The following CNTN5 variants were observed in gnomAD, a reference collection of about 807,000 sequenced individuals.
CNTN5 encodes contactin 5.
Under a neutral mutation model 129.1 loss-of-function variants are expected in CNTN5, and 77 were observed. The observed-to-expected ratio is 0.60, with a 90% CI of 0.50 to 0.72. The LOEUF is 0.72. CNTN5 is among the 30% of genes least tolerant of loss of function. The pLI, the probability that CNTN5 is intolerant of heterozygous loss-of-function variation, is 0.00. For synonymous variants in CNTN5, 509 were observed against 465.6 expected (o/e 1.09, Z -1.20); for missense variants, 1,478 against 1,328.8 (o/e 1.11, Z -1.75).
At chr11:99,481,118 T>G (rs12796358) in intron 2 of CNTN5, among the ~76,000 whole-genome samples, 1 of 152,126 alleles carries the variant, frequency 6.6e-6, no homozygotes, top group Non-Finnish European at 1.5e-5. Flanking sequence ...AAAAAGAATA[T>G]TGCAAGGATT....
chr11:100,273,507 C>A (rs912518415), intron 18 of CNTN5, among the ~76,000 whole-genome samples: 1 of 152,132 alleles, frequency 6.6e-6, no homozygotes, highest in Non-Finnish European at 1.5e-5. Flanking sequence ...TTTAAGAATG[C>A]GCAGATGACA....
In CNTN5 at chr11:100,254,498, T is replaced by C. The variant is rs894382467; in HGVS notation, c.2006-1262T>C. On this transcript the variant is annotated intron_variant, in intron 16 of 24. Coordinates refer to ENST00000524871, the MANE Select transcript of CNTN5 (RefSeq NM_014361.4). ...AGACCTTTGCCCACGATTCCAACTTTCGGTCACCTTCCTGATAGAATAGTC... is the reference window on the plus strand; with the variant it reads ...AGACCTTTGCCCACGATTCCAACTTCCGGTCACCTTCCTGATAGAATAGTC... Among the ~76,000 whole-genome samples, 8 of 152,202 alleles carry C rather than the reference T, an allele frequency of 5.3e-5. No individual in the cohort carries two copies. In the East Asian group the frequency reaches 7.7e-4, roughly 15 times the overall value.
chr11:100,017,507 G>A (rs1482797728), intron 9 of CNTN5, among the ~76,000 whole-genome samples: 2 of 151,960 alleles, frequency 1.3e-5, no homozygotes, highest in African/African-American at 2.4e-5. Context: ...TATCTTGAAT[G>A]TGATAAACTA....
intron 6 of CNTN5, among the ~76,000 whole-genome samples, chr11:99,903,434 A>G (rs11221830): frequency 0.36 from 54,706 of 151,798 alleles, 10,689 homozygotes; most frequent in Non-Finnish European, 0.45. Flanking sequence ...AAAAAAAACT[A>G]TTTCTTTATG....
At chr11:99,112,878 A>C (rs1857863236) in intron 1 of CNTN5, among the ~76,000 whole-genome samples, 1 of 152,032 alleles carries the variant, frequency 6.6e-6, no homozygotes, top group East Asian at 1.9e-4. Flanking sequence ...TCTTTTTACT[A>C]TCCCCCTTTT....
At chr11:99,395,465 C>A (rs1941472441) in intron 2 of CNTN5, among the ~76,000 whole-genome samples, 1 of 151,840 alleles carries the variant, frequency 6.6e-6, no homozygotes, top group Non-Finnish European at 1.5e-5. Flanking sequence ...GTATAATTTG[C>A]AAAAATATTC....
intron 2 of CNTN5, among the ~76,000 whole-genome samples, chr11:99,444,035 T>C (rs954078136): frequency 3.3e-5 from 5 of 151,916 alleles, no homozygotes; most frequent in Non-Finnish European, 2.9e-5. Flanking sequence ...CTGTCACTAC[T>C]AAAAATACAA....
Position 99,916,135 on chromosome 11 carries a change from C to G in CNTN5, c.659C>G (p.Pro220Arg). The change falls in exon 7 of 25, where the codon CCG becomes CGG. Residue 220 changes from proline to arginine, a missense_variant. Coordinates refer to ENST00000524871, the MANE Select transcript of CNTN5 (RefSeq NM_014361.4). ...GQGVVLMCSP[P>R]PHSPEIIYSW... Reference sequence around the variant, plus strand: ...GGTGTCGTTCTGATGTGCTCTCCTCCGCCACATTCACCAGGTACAGTAGGA... The same window carrying G: ...GGTGTCGTTCTGATGTGCTCTCCTCGGCCACATTCACCAGGTACAGTAGGA... 1.2e-6 allele frequency: 2 copies of G among 1,611,174 alleles called. No individual in the cohort carries two copies. Among genetic ancestry groups the G allele is most frequent in the Non-Finnish European group, 1.7e-6 (2 of 1,178,478 alleles).
intron 1 of CNTN5, among the ~76,000 whole-genome samples, chr11:99,260,353 C>A (rs1387557050): frequency 6.6e-6 from 1 of 151,472 alleles, no homozygotes. Flanking sequence ...ATGTACAATG[C>A]CTCCCTCATT....
At chr11:100,019,354 A>G (rs536214828) in intron 9 of CNTN5, among the ~76,000 whole-genome samples, 41 of 152,038 alleles carry the variant, frequency 2.7e-4, no homozygotes, top group African/African-American at 9.4e-4. Context: ...ATTATTTTCA[A>G]TGAATATCAA....
At chr11:99,389,308 G>C (rs555870994) in intron 2 of CNTN5, among the ~76,000 whole-genome samples, 1 of 151,978 alleles carries the variant, frequency 6.6e-6, no homozygotes, top group South Asian at 2.1e-4. Flanking sequence ...GATTGCAGAC[G>C]TGAGCCACCG....
chr11:99,630,614 C>A (rs1206734150), intron 3 of CNTN5, among the ~76,000 whole-genome samples: 1 of 151,932 alleles, frequency 6.6e-6, no homozygotes, highest in Non-Finnish European at 1.5e-5. Flanking sequence ...ATTTCTTAGT[C>A]ACAATTCAGG....
At chr11:99,361,529 T>A (rs1019720299) in intron 2 of CNTN5, among the ~76,000 whole-genome samples, 6 of 152,202 alleles carry the variant, frequency 3.9e-5, no homozygotes, top group African/African-American at 1.4e-4. Context: ...CCATTTTAAT[T>A]ATGCAATTGA....
chr11:99,950,494 A>T (rs979940584), intron 7 of CNTN5, among the ~76,000 whole-genome samples: 4 of 151,960 alleles, frequency 2.6e-5, no homozygotes, highest in African/African-American at 9.7e-5. Flanking sequence ...TAAAAAAAAT[A>T]AAGTAAAAAA....
At chr11:99,526,102 A>T (rs980722187) in intron 2 of CNTN5, among the ~76,000 whole-genome samples, 1 of 152,252 alleles carries the variant, frequency 6.6e-6, no homozygotes, top group African/African-American at 2.4e-5. Context: ...TTTAAGCAAA[A>T]AACTGTAAGG....
intron 2 of CNTN5, among the ~76,000 whole-genome samples, chr11:99,461,216 G>C (rs1172262720): frequency 2.0e-5 from 3 of 152,082 alleles, no homozygotes; most frequent in African/African-American, 7.2e-5. Context: ...TTCGGGGAAG[G>C]TATAAGTAGG....
At chr11:99,824,281 C>T (rs75320286) in intron 4 of CNTN5, among the ~76,000 whole-genome samples, 10,810 of 152,004 alleles carry the variant, frequency 0.071, 558 homozygotes, top group African/African-American at 0.14. Flanking sequence ...CACATTGTCA[C>T]CAACATAAAA....
intron 1 of CNTN5, among the ~76,000 whole-genome samples, chr11:99,112,868 T>C (rs2135386300): frequency 6.6e-6 from 1 of 152,156 alleles, no homozygotes; most frequent in South Asian, 2.1e-4. Context: ...GACTATGCAT[T>C]CTTTTTACTA....
intron 9 of CNTN5, among the ~76,000 whole-genome samples, chr11:100,052,936 C>T (rs760203156): frequency 4.6e-5 from 7 of 151,750 alleles, no homozygotes; most frequent in African/African-American, 9.6e-5. Flanking sequence ...AAAAAAATGC[C>T]ACTTTATTCA....
Sources: gnomAD v4.1 joint callset for allele counts (sites outside exome capture counted in the v4.1 genomes callset) on GRCh38, gnomAD v4.1.1 for gene constraint, MANE v1.5 for transcripts, NCBI Gene and HGNC (gene_info 2026-07-23, HGNC 2026-07-21) for gene names.